The following GPC5 variants were observed in gnomAD, a reference collection of about 807,000 sequenced individuals.
GPC5 encodes glypican 5.
GPC5 carries 47 observed loss-of-function variants against 53.9 expected under a neutral mutation model. That is an observed-to-expected ratio of 0.87 (90% CI 0.69 to 1.11). The LOEUF is 1.11. Among genes scored for constraint, GPC5 ranks in the 50% most tolerant of loss-of-function variants. GPC5 has a pLI of 0.00. For synonymous variants in GPC5, 286 were observed against 263.3 expected, an observed-to-expected ratio of 1.09 and a Z score of -0.84; for missense variants, 748 against 713.1, an observed-to-expected ratio of 1.05 and a Z score of -0.56.
intron 4 of GPC5, among the ~76,000 whole-genome samples, chr13:91,742,984 G>T (rs1159970901): frequency 6.6e-6 from 1 of 152,024 alleles, no homozygotes; most frequent in East Asian, 1.9e-4. Flanking sequence ...TTTCTATGTA[G>T]GCGCTTTGCC....
At position 92,796,867 on chromosome 13, in the gene GPC5, T is replaced by A. The variant is rs190919942; in HGVS notation, c.1562-69415T>A. 2.6e-5 allele frequency among the ~76,000 whole-genome samples: 4 copies of A among 152,098 alleles called. No individual in the cohort carries two copies. The East Asian group carries it at 7.8e-4, about 30-fold the overall frequency. On this transcript the variant is annotated intron_variant, in intron 7 of 7. Coordinates refer to ENST00000377067, the MANE Select transcript of GPC5 (RefSeq NM_004466.6). ...AAATAACCCTCACATTTCTAACTTTTAATGAAAAATCAATGATATATAAAG... is the reference window on the plus strand; with the variant it reads ...AAATAACCCTCACATTTCTAACTTTAAATGAAAAATCAATGATATATAAAG...
chr13:92,461,470 A>G (rs563429697), intron 7 of GPC5, among the ~76,000 whole-genome samples: 46 of 152,302 alleles, frequency 3.0e-4, no homozygotes, highest in African/African-American at 1.1e-3. Context: ...CGGATTGTGG[A>G]AAAAGAGACA....
At chr13:92,800,022 G>T (rs1876840853) in intron 7 of GPC5, among the ~76,000 whole-genome samples, 1 of 151,672 alleles carries the variant, frequency 6.6e-6, no homozygotes, top group Non-Finnish European at 1.5e-5. Flanking sequence ...AATAGCCCTA[G>T]ATATTCATAT....
chr13:92,781,844 C>T (rs757202727), intron 7 of GPC5, among the ~76,000 whole-genome samples: 16 of 152,212 alleles, frequency 1.1e-4, no homozygotes, highest in Admixed American at 6.5e-4. Flanking sequence ...GCATTAGTAG[C>T]TGCTGCCAGC....
chr13:91,926,177 C>T (rs1373110875), intron 6 of GPC5, among the ~76,000 whole-genome samples: 5 of 151,724 alleles, frequency 3.3e-5, no homozygotes, highest in Non-Finnish European at 5.9e-5. Flanking sequence ...TTAACTAACA[C>T]GGTGAAACCC....
chr13:91,481,216 G>A (rs368855232), intron 2 of GPC5, among the ~76,000 whole-genome samples: 5 of 152,276 alleles, frequency 3.3e-5, no homozygotes, highest in South Asian at 4.1e-4. Context: ...TTTTAAAGCT[G>A]TGGTCCCCAA....
chr13:92,595,787 A>G (rs1449612247), intron 7 of GPC5, among the ~76,000 whole-genome samples: 1 of 150,524 alleles, frequency 6.6e-6, no homozygotes, highest in Non-Finnish European at 1.5e-5. Flanking sequence ...AAAAAAAAAA[A>G]GATAGTATTT....
chr13:92,641,433 A>T (rs532768937), intron 7 of GPC5, among the ~76,000 whole-genome samples: 1 of 152,252 alleles, frequency 6.6e-6, no homozygotes, highest in Non-Finnish European at 1.5e-5. Flanking sequence ...AAACGCTGAT[A>T]GAATAAAGAA....
At chr13:92,211,736 G>A (rs1178680889) in intron 7 of GPC5, among the ~76,000 whole-genome samples, 3 of 152,168 alleles carry the variant, frequency 2.0e-5, no homozygotes, top group African/African-American at 2.4e-5. Flanking sequence ...TCCTGAATTA[G>A]ATAATAGGAG....
Position 92,596,618 on chromosome 13 carries a change from C to T in GPC5, c.1562-269664C>T, listed in dbSNP as rs111314216. Among the ~76,000 whole-genome samples the T allele has an allele frequency of 6.6e-3, 1,000 of 152,076 alleles. 13 individuals carry two copies. The highest frequency in any genetic ancestry group is 0.022 in the African/African-American group (917 of 41,466). On this transcript the variant is annotated intron_variant, in intron 7 of 7. Transcript: ENST00000377067. ...CCTCCCAAGTAGCTGGGACAACATG[C>T]GCACGCCACCACCCCCAGCTGATTT...
At chr13:92,512,855 C>T (rs573326055) in intron 7 of GPC5, among the ~76,000 whole-genome samples, 1 of 152,316 alleles carries the variant, frequency 6.6e-6, no homozygotes, top group South Asian at 2.1e-4. Flanking sequence ...GTTCATTTTG[C>T]TCTGATCACT....
At chr13:92,238,082 A>G (rs532494889) in intron 7 of GPC5, among the ~76,000 whole-genome samples, 6 of 152,108 alleles carry the variant, frequency 3.9e-5, no homozygotes, top group African/African-American at 1.4e-4. Context: ...ATATCATTTA[A>G]TGGTCACCTC....
At chr13:91,412,792 G>A (rs1056723013) in intron 1 of GPC5, among the ~76,000 whole-genome samples, 4 of 152,162 alleles carry the variant, frequency 2.6e-5, no homozygotes, top group African/African-American at 7.2e-5. Flanking sequence ...GGAGAATTCC[G>A]CAGTATGAAT....
At chr13:92,608,103 T>C (rs770820370) in intron 7 of GPC5, among the ~76,000 whole-genome samples, 12 of 152,218 alleles carry the variant, frequency 7.9e-5, no homozygotes, top group African/African-American at 1.7e-4. Flanking sequence ...ATACAAAATA[T>C]GTGTTCATCG....
intron 7 of GPC5, among the ~76,000 whole-genome samples, chr13:92,462,619 G>A (rs1300020185): frequency 6.6e-6 from 1 of 152,122 alleles, no homozygotes; most frequent in African/African-American, 2.4e-5. Context: ...AGAGTTCTGG[G>A]CTGGAGACAC....
At chr13:92,522,353 G>C (rs1247715478) in intron 7 of GPC5, among the ~76,000 whole-genome samples, 1 of 152,170 alleles carries the variant, frequency 6.6e-6, no homozygotes, top group Admixed American at 6.5e-5. Flanking sequence ...CAACAGCAAA[G>C]ACTTGGAACC....
chr13:91,890,901 A>C (rs1027819886), intron 5 of GPC5, among the ~76,000 whole-genome samples: 1 of 152,188 alleles, frequency 6.6e-6, no homozygotes, highest in Non-Finnish European at 1.5e-5. Context: ...AGCTATCTAC[A>C]GTGTGTACAC....
chr13:92,144,702 C>A, intron 6 of GPC5, 128 bp from the exon 7 acceptor site: 1 of 822,114 alleles, frequency 1.2e-6, no homozygotes, highest in Non-Finnish European at 1.9e-6. Flanking sequence ...TTCTTAAAGA[C>A]TTGACTTGGT....
At chr13:92,684,985 A>G (rs1299660639) in intron 7 of GPC5, among the ~76,000 whole-genome samples, 2 of 152,238 alleles carry the variant, frequency 1.3e-5, no homozygotes, top group Non-Finnish European at 2.9e-5. Flanking sequence ...TTCTAATGAC[A>G]TATGATGTTG....
Sources: gnomAD v4.1 joint callset for allele counts (sites outside exome capture counted in the v4.1 genomes callset) on GRCh38, gnomAD v4.1.1 for gene constraint, MANE v1.5 for transcripts, NCBI Gene and HGNC (gene_info 2026-07-23, HGNC 2026-07-21) for gene names.